Variants in FAM135A observed in about 807,000 individuals in gnomAD.
The protein encoded by FAM135A is protein FAM135A.
A neutral mutation model predicts 146.8 loss-of-function variants in FAM135A; 79 were observed. That is an observed-to-expected ratio of 0.54 (90% CI 0.45 to 0.65). The LOEUF (loss-of-function observed/expected upper bound fraction) is 0.65, where lower values mean the gene tolerates loss of function less well. Ranked by LOEUF, FAM135A falls within the 30% of genes least tolerant of loss-of-function variation. The pLI is 0.00. For synonymous variants in FAM135A, 562 were observed against 603.6 expected, an observed-to-expected ratio of 0.93 and a Z score of 1.01; for missense variants, 1,623 against 1,758.2, an observed-to-expected ratio of 0.92 and a Z score of 1.38.
At chr6:70,486,882 G>A (rs938095004) in intron 10 of FAM135A, among the ~76,000 whole-genome samples, 2 of 152,056 alleles carry the variant, frequency 1.3e-5, no homozygotes, top group African/African-American at 4.8e-5. Context: ...AGCCGAGATC[G>A]TGCCATTGCA....
chr6:70,542,574 C>G (rs1798137324), intron 20 of FAM135A, among the ~76,000 whole-genome samples: 2 of 152,158 alleles, frequency 1.3e-5, no homozygotes, highest in African/African-American at 4.8e-5. Context: ...CATGCTGTCA[C>G]CCAGGCTGGA....
intron 20 of FAM135A, 142 bp downstream of exon 20, chr6:70,538,543 C>A: frequency 4.6e-6 from 2 of 432,496 alleles, no homozygotes; most frequent in South Asian, 1.0e-4. Context: ...AATGAAACAG[C>A]AAACTCAGAA....
At chr6:70,496,777 T>A in intron 11 of FAM135A, among the ~76,000 whole-genome samples, 1 of 152,130 alleles carries the variant, frequency 6.6e-6, no homozygotes, top group Non-Finnish European at 1.5e-5. Context: ...TCCCCATTTT[T>A]TTTTTTTTGG....
At position 70,477,170 on chromosome 6, in the gene FAM135A, T is replaced by A. The variant is rs944837018; in HGVS notation, c.380T>A (p.Leu127Gln). The stretch of plus-strand genomic sequence containing the variant: ...GTTCCTTTTTACAGGGCAGATGATC[T>A]GAATGCCTTGCAACTAATAAGTAGC... ...FTDGDYSADD[L>Q]NALQLISSRT... Residue 127 changes from leucine to glutamine, a missense_variant, in exon 8 of 22, where the codon CTG (leucine) becomes CAG (glutamine). By Grantham distance (113) the Leu-to-Gln change is moderately radical. Around this residue, in one of 7 missense-constraint regions of FAM135A, gnomAD observed 171 missense variants for 164.9 expected, o/e 1.04. Transcript: ENST00000418814. The A allele has an allele frequency of 1.2e-6, 2 of 1,613,156 alleles. No homozygotes were observed.
intron 5 of FAM135A, among the ~76,000 whole-genome samples, chr6:70,470,011 A>C (rs1272964991): frequency 1.3e-5 from 2 of 152,084 alleles, no homozygotes; most frequent in Non-Finnish European, 2.9e-5. Context: ...AGAAAAAAAA[A>C]CAACAACAAA....
At chr6:70,472,675 C>T (rs756388066) in intron 5 of FAM135A, among the ~76,000 whole-genome samples, 7 of 152,254 alleles carry the variant, frequency 4.6e-5, no homozygotes, top group South Asian at 2.1e-4. Flanking sequence ...TGTTATGTCT[C>T]TTTAGTCTCC....
intron 4 of FAM135A, among the ~76,000 whole-genome samples, chr6:70,435,030 G>A (rs1051104072): frequency 2.0e-5 from 3 of 148,854 alleles, no homozygotes; most frequent in Non-Finnish European, 4.4e-5. Context: ...ATGGAGGAAA[G>A]TAAGGATATA....
intron 2 of FAM135A, among the ~76,000 whole-genome samples, chr6:70,419,741 C>T (rs1030976136): frequency 2.6e-5 from 4 of 152,262 alleles, no homozygotes; most frequent in African/African-American, 9.6e-5. Context: ...CATTTGGTAT[C>T]AGTTCTCATA....
At chr6:70,555,729 G>A (rs1277744034) in intron 20 of FAM135A, among the ~76,000 whole-genome samples, 2 of 141,690 alleles carry the variant, frequency 1.4e-5, no homozygotes, top group Admixed American at 1.4e-4. Flanking sequence ...TGAGAATGAA[G>A]GGGGGGGAGT....
At chr6:70,549,236 G>T (rs924952770) in intron 20 of FAM135A, among the ~76,000 whole-genome samples, 1 of 151,958 alleles carries the variant, frequency 6.6e-6, no homozygotes, top group Non-Finnish European at 1.5e-5. Flanking sequence ...AAGTGGAATC[G>T]ACATAAATGT....
intron 5 of FAM135A, among the ~76,000 whole-genome samples, chr6:70,462,076 T>C (rs1779544524): frequency 6.6e-6 from 1 of 152,206 alleles, no homozygotes; most frequent in African/African-American, 2.4e-5. Flanking sequence ...GGAAAAACAG[T>C]CTAAGAAAAA....
At chr6:70,416,806 A>G (rs917750031) in intron 2 of FAM135A, among the ~76,000 whole-genome samples, 1 of 152,232 alleles carries the variant, frequency 6.6e-6, no homozygotes, top group African/African-American at 2.4e-5. Context: ...GTAATATAGA[A>G]GAAATCATTC....
chr6:70,548,926 T>C (rs965935016), intron 20 of FAM135A, among the ~76,000 whole-genome samples: 1 of 150,224 alleles, frequency 6.7e-6, no homozygotes, highest in Non-Finnish European at 1.5e-5. Flanking sequence ...AAAATAAAAT[T>C]AAAAATTAAA....
intron 10 of FAM135A, 132 bp downstream of exon 10, chr6:70,482,286 A>C (rs1325082432): frequency 4.9e-6 from 4 of 811,220 alleles, no homozygotes; most frequent in Admixed American, 7.4e-5. Flanking sequence ...TTCTCTATCA[A>C]TTCCATCTTT....
chr6:70,517,215 C>T (rs964271543), intron 12 of FAM135A, among the ~76,000 whole-genome samples: 1 of 151,890 alleles, frequency 6.6e-6, no homozygotes, highest in Non-Finnish European at 1.5e-5. Context: ...ATATACAAAC[C>T]ACATCTAGCA....
intron 10 of FAM135A, among the ~76,000 whole-genome samples, chr6:70,485,451 C>A (rs886580606): frequency 6.6e-6 from 1 of 152,028 alleles, no homozygotes; most frequent in Non-Finnish European, 1.5e-5. Context: ...CTATCAATGT[C>A]TTTTATTTTT....
intron 5 of FAM135A, among the ~76,000 whole-genome samples, chr6:70,455,519 A>G (rs1026680841): frequency 6.6e-6 from 1 of 152,172 alleles, no homozygotes; most frequent in Non-Finnish European, 1.5e-5. Flanking sequence ...ATGTCAATGT[A>G]TATATTATTG....
At chr6:70,559,256 C>T (rs1388214513) in intron 21 of FAM135A, among the ~76,000 whole-genome samples, 1 of 152,074 alleles carries the variant, frequency 6.6e-6, no homozygotes, top group Non-Finnish European at 1.5e-5. Flanking sequence ...GCCTGGCCAA[C>T]ATGGTGAAAC....
At chr6:70,474,568 T>A (rs779071658) in intron 5 of FAM135A, among the ~76,000 whole-genome samples, 1 of 152,222 alleles carries the variant, frequency 6.6e-6, no homozygotes, top group African/African-American at 2.4e-5. Flanking sequence ...GCTGTACTTA[T>A]TATTACAGCT....
Sources: allele counts gnomAD v4.1 joint callset (sites outside exome capture counted in the v4.1 genomes callset), GRCh38; gene constraint gnomAD v4.1.1; regional missense constraint gnomAD v4.1.1; transcripts MANE v1.5; gene names NCBI Gene and HGNC (gene_info 2026-07-23, HGNC 2026-07-21).